MYH6: variants seen among roughly 807,000 people sequenced by gnomAD.
MYH6 encodes myosin-6.
Under a neutral mutation model 223.2 loss-of-function variants are expected in MYH6, and 126 were observed. The ratio of observed to expected loss-of-function variants is 0.56; its 90% CI spans 0.49 to 0.65. The LOEUF (loss-of-function observed/expected upper bound fraction) is 0.65, where lower values mean the gene tolerates loss of function less well. Among genes scored for constraint, MYH6 ranks in the 30% least tolerant of loss-of-function variants. The probability of loss-of-function intolerance (pLI) is 0.00; values close to 1 mark genes in which losing one functional copy is unlikely to be tolerated. For synonymous variants in MYH6, 978 were observed against 1,010.2 expected (o/e 0.97, Z 0.61); for missense variants, 2,040 against 2,536.4 (o/e 0.80, Z 4.20).
chr14:23,388,722 T>C (rs1891124256), intron 29 of MYH6, 137 bp downstream of exon 29: 1 of 1,335,618 alleles, frequency 7.5e-7, no homozygotes, highest in African/African-American at 1.4e-5. Context: ...CAGGCTTTCT[T>C]CCAAGCACTT....
chr14:23,392,638 A>C lies in MYH6; in HGVS notation c.3266T>G (p.Ile1089Ser). 1 of 1,171,116 alleles carries C rather than the reference A, an allele frequency of 8.5e-7. No homozygotes were observed. Among genetic ancestry groups the C allele is most frequent in the Non-Finnish European group, 1.2e-6 (1 of 811,712 alleles). 72.5% of individuals were successfully genotyped at this position (1,171,116 alleles called of 1,614,324 possible). A position where few individuals can be genotyped will look rare whatever the true frequency, so the allele number is the denominator to read the frequency against. Reference sequence around the variant, plus strand: ...CTCAATCTTACTGTTCTGCTGATTAATGTCAAACTCCTTCCTGCAGGAGAA... The same window carrying C: ...CTCAATCTTACTGTTCTGCTGATTACTGTCAAACTCCTTCCTGCAGGAGAA... The part of the protein sequence containing the change: ...EEKLKKKEFD[I>S]NQQNSKIEDE... The change falls in exon 25 of 39, where the codon ATT (isoleucine) becomes AGT (serine). Residue 1089 changes from isoleucine (I) to serine (S), a missense_variant. Coordinates refer to ENST00000405093, the MANE Select transcript of MYH6 (RefSeq NM_002471.4).
Position 23,405,534 on chromosome 14 carries a change from G to C in MYH6, c.345+93C>G. On this transcript the variant is annotated intron_variant, in intron 4 of 38. Transcript: ENST00000405093. This position sits in a 1 kb window ranked among gnomAD's most constrained non-coding sequence, Gnocchi z 4.7. ...GGGGAAGGGGACTTGGGTCCCTTGG[G>C]AGTCTCTCCCCCTCTTCTTGGGAGA... 1 of 1,601,408 alleles carries C rather than the reference G, an allele frequency of 6.2e-7. No homozygotes were observed. Among genetic ancestry groups the C allele is most frequent in the African/African-American group, 1.3e-5 (1 of 74,700 alleles).
Position 23,398,710 on chromosome 14 carries a change from C to A in MYH6, c.1891+18G>T. The A allele has an allele frequency of 6.2e-7, 1 of 1,613,908 alleles. No individual in the cohort carries two copies. Among genetic ancestry groups the A allele is most frequent in the Non-Finnish European group, 8.5e-7 (1 of 1,179,808 alleles). On this transcript the variant is annotated intron_variant, in intron 15 of 38. Transcript: ENST00000405093. Reference sequence around the variant, plus strand: ...TCTTCAGAAGTCCCCTGGCCCAGTGCAGGGGCTGCCTGCTTACCAGTATCG... The same window carrying A: ...TCTTCAGAAGTCCCCTGGCCCAGTGAAGGGGCTGCCTGCTTACCAGTATCG...
chr14:23,398,933 G>T lies in MYH6; in HGVS notation c.1686C>A (p.Asn562Lys). ...TGATGTTGCGTGGCTTCTGGAAATT[G>T]TTGGACTTGCCCAGGTGGTTGTCGT... Reference protein sequence around the residue: ...KLYDNHLGKSNNFQKPRNIKG... With the variant: ...KLYDNHLGKSKNFQKPRNIKG... The change falls in exon 15 of 39, where the codon AAC becomes AAA. Residue 562 changes from asparagine to lysine, a missense_variant. By Grantham distance (94) the Asn-to-Lys change is moderately conservative. Transcript: ENST00000405093. The T allele has an allele frequency of 6.2e-7, 1 of 1,614,162 alleles. No homozygotes were observed. Among genetic ancestry groups the T allele is most frequent in the South Asian group, 1.1e-5 (1 of 91,088 alleles).
In MYH6 at chr14:23,404,362, C is replaced by T; in HGVS notation, c.669G>A (p.Gln223=). 6.2e-7 allele frequency: 1 copy of T among 1,614,252 alleles called. No individual in the cohort carries two copies. The highest frequency in any genetic ancestry group is 8.5e-7 in the Non-Finnish European group (1 of 1,180,032). The change falls in exon 8 of 39, where the codon CAG becomes CAA. Residue 223 remains glutamine, a synonymous_variant. Coordinates refer to ENST00000405093, the MANE Select transcript of MYH6 (RefSeq NM_002471.4). Reference sequence around the variant, plus strand: ...CGAAGGCCTCCAGAGCGGGGTTGGCCTGGATGATCTGGTCCTCCAGGGTGC... The same window carrying T: ...CGAAGGCCTCCAGAGCGGGGTTGGCTTGGATGATCTGGTCCTCCAGGGTGC... ...NKGTLEDQII[Q]ANPALEAFGN...
At position 23,387,834 on chromosome 14, in the gene MYH6, G is replaced by T; in HGVS notation, c.4449C>A (p.Leu1483=). Residue 1483 remains leucine, a synonymous_variant, in exon 31 of 39, where the codon CTC becomes CTA. Coordinates refer to ENST00000405093, the MANE Select transcript of MYH6 (RefSeq NM_002471.4). ...QKEARSLSTE[L]FKLKNAYEES... Reference sequence around the variant, plus strand: ...CCTCGTAGGCGTTCTTGAGCTTGAAGAGCTCTGTGCTGAGGGAGCGAGCCT... The same window carrying T: ...CCTCGTAGGCGTTCTTGAGCTTGAATAGCTCTGTGCTGAGGGAGCGAGCCT... 1 of 1,614,106 alleles carries T rather than the reference G, an allele frequency of 6.2e-7. No homozygotes were observed. The highest frequency in any genetic ancestry group is 2.2e-5 in the East Asian group (1 of 44,856).
intron 36 of MYH6, among the ~76,000 whole-genome samples, 184 bp downstream of exon 36, chr14:23,384,258 G>T (rs1167707727): frequency 6.6e-6 from 1 of 151,838 alleles, no homozygotes; most frequent in Non-Finnish European, 1.5e-5. Context: ...GGAAGTAGAA[G>T]TAGATTCTTC....
At chr14:23,394,675 G>A (rs1313948807) in intron 20 of MYH6, among the ~76,000 whole-genome samples, 1 of 152,070 alleles carries the variant, frequency 6.6e-6, no homozygotes, top group Non-Finnish European at 1.5e-5. Context: ...CAGCATGAAA[G>A]CAAAATGACT....
In MYH6 at chr14:23,400,963, C is replaced by A; in HGVS notation, c.1156G>T (p.Ala386Ser). ...GCTGAGTTCAGCCCCATGAGGTAGG[C>A]CGACTTGTCAGCATCTGGTTGAGAG... Reference protein sequence around the residue: ...PDGTEDADKSAYLMGLNSADL... With the variant: ...PDGTEDADKSSYLMGLNSADL... Residue 386 changes from alanine to serine, a missense_variant, in exon 13 of 39, where the codon GCC becomes TCC. Physicochemically the swap from Ala to Ser is moderately conservative, Grantham distance 99. This residue lies in a region of MYH6 where 649 missense variants were observed against 877.3 expected (regional missense o/e 0.74). Transcript: ENST00000405093. 1 of 1,614,138 alleles carries A rather than the reference C, an allele frequency of 6.2e-7. No homozygotes were observed. The highest frequency in any genetic ancestry group is 8.5e-7 in the Non-Finnish European group (1 of 1,180,020).
intron 15 of MYH6, among the ~76,000 whole-genome samples, chr14:23,397,986 T>TTCC (rs1891476303): frequency 7.0e-6 from 1 of 142,916 alleles, no homozygotes; most frequent in African/African-American, 2.7e-5. Flanking sequence ...CTTCTTCTTC[T>TTCC]TCTTCTTCTT....
rs555501312 is a variant in MYH6 at position 23,405,932 on chromosome 14, C to G, written c.202-162G>C. Among the ~76,000 whole-genome samples, 1 of 152,216 alleles carries G rather than the reference C, an allele frequency of 6.6e-6. No individual in the cohort carries two copies. The highest frequency in any genetic ancestry group is 2.4e-5 in the African/African-American group (1 of 41,540). On this transcript the variant is annotated intron_variant, in intron 3 of 38. Transcript: ENST00000405093. This position sits in a 1 kb window ranked among gnomAD's most constrained non-coding sequence, Gnocchi z 4.7. ...ACCCCGATGTCCCCTGGGACACTTT[C>G]CCCAGGTAATTTCCCTTCCCATTGT...
Position 23,386,546 on chromosome 14 carries a change from C to G in MYH6, c.4728G>C (p.Arg1576=), listed in dbSNP as rs912229955. 1 of 1,613,990 alleles carries G rather than the reference C, an allele frequency of 6.2e-7. No individual in the cohort carries two copies. Among genetic ancestry groups the G allele is most frequent in the Non-Finnish European group, 8.5e-7 (1 of 1,180,006 alleles). The part of the protein sequence containing the change: ...EFNQIKAEIE[R]KLAEKDEEME... Reference sequence around the variant, plus strand: ...TCTCCTCGTCCTTCTCTGCCAGCTTCCGCTCGATCTCTGCCTTGATCTGGT... The same window carrying G: ...TCTCCTCGTCCTTCTCTGCCAGCTTGCGCTCGATCTCTGCCTTGATCTGGT... Residue 1576 remains arginine, a synonymous_variant, in exon 33 of 39, where the codon CGG becomes CGC. Transcript: ENST00000405093.
chr14:23,403,782 G>C lies in MYH6; in HGVS notation c.736-4C>G. On this transcript the variant is annotated splice_region_variant and splice_polypyrimidine_tract_variant and intron_variant, in intron 8 of 38. Transcript: ENST00000405093. ...AGTGGATCCTAATGAATTTCCCCTGGGGACGAATGGGACAGAGTGAGGGAA... is the reference window on the plus strand; with the variant it reads ...AGTGGATCCTAATGAATTTCCCCTGCGGACGAATGGGACAGAGTGAGGGAA... 6.2e-7 allele frequency: 1 copy of C among 1,608,336 alleles called. No individual in the cohort carries two copies. The highest frequency in any genetic ancestry group is 8.5e-7 in the Non-Finnish European group (1 of 1,176,990).
rs535694008 is a variant in MYH6, at chr14:23,405,217, G to T, written c.502+6C>A. On this transcript the variant is annotated splice_donor_region_variant and intron_variant, in intron 5 of 38. Transcript: ENST00000405093. The surrounding 1 kb of genome is among the most constrained non-coding windows in gnomAD (Gnocchi z 4.7). The stretch of plus-strand genomic sequence containing the variant: ...AGGAGCAGAGACCAGGGGCCACCAG[G>T]CTCACCTGTCAGCATGTACTGATAG... The T allele has an allele frequency of 6.2e-7, 1 of 1,614,040 alleles. No homozygotes were observed. Among genetic ancestry groups the T allele is most frequent in the African/African-American group, 1.3e-5 (1 of 75,028 alleles).
At position 23,400,401 on chromosome 14, in the gene MYH6, A is replaced by T; in HGVS notation, c.1436T>A (p.Ile479Asn). ...CTGCAGCTTCTCGTTGGTGAAGTTG[A>T]TGCAGAGCTGCTCAAAGCTGTTGAA... ...FDFNSFEQLCINFTNEKLQQF... is the reference protein window; with the variant it reads ...FDFNSFEQLCNNFTNEKLQQF... Residue 479 changes from isoleucine to asparagine, a missense_variant, in exon 14 of 39, where the codon ATC (isoleucine) becomes AAC (asparagine). This residue lies in a region of MYH6 where 649 missense variants were observed against 877.3 expected (regional missense o/e 0.74). Coordinates refer to ENST00000405093, the MANE Select transcript of MYH6 (RefSeq NM_002471.4). 6.2e-7 allele frequency: 1 copy of T among 1,614,176 alleles called. No individual in the cohort carries two copies. The highest frequency in any genetic ancestry group is 8.5e-7 in the Non-Finnish European group (1 of 1,180,030).
In MYH6 at chr14:23,397,954, TC is replaced by T. The variant is rs1566512463; in HGVS notation, c.1892-342del. The stretch of plus-strand genomic sequence containing the variant: ...CTCCTCTTCTTCTTCTTCTTCTTCT[TC>T]TTCTTCTTCTTCTTCTTCTTCTTCT... On this transcript the variant is annotated intron_variant, in intron 15 of 38. Coordinates refer to ENST00000405093, the MANE Select transcript of MYH6 (RefSeq NM_002471.4). Among the ~76,000 whole-genome samples, 121 of 100,164 alleles carry T rather than the reference TC, an allele frequency of 1.2e-3. 2 individuals are homozygous for T. Among genetic ancestry groups the T allele is most frequent in the Middle Eastern group, 8.6e-3 (2 of 232 alleles). The allele number at this position is 100,164 out of a possible 152,430, so 65.7% of individuals were successfully genotyped here.
intron 3 of MYH6, among the ~76,000 whole-genome samples, chr14:23,406,134 G>T (rs905620782): frequency 6.6e-6 from 1 of 152,124 alleles, no homozygotes; most frequent in African/African-American, 2.4e-5. Flanking sequence ...TGACCCCGAG[G>T]CTGTCTCCCG....
chr14:23,382,196 G>A, intron 38 of MYH6, 133 bp from the exon 39 acceptor site: 2 of 1,140,366 alleles, frequency 1.8e-6, no homozygotes, highest in Non-Finnish European at 2.7e-6. Context: ...GGATCCTGTG[G>A]TCCCACGTTA....
At chr14:23,404,935 G>T (rs1280154761) in intron 6 of MYH6, 113 bp from the exon 7 acceptor site, 4 of 1,480,824 alleles carry the variant, frequency 2.7e-6, no homozygotes, top group Non-Finnish European at 3.8e-6. Flanking sequence ...CACCCAGCAG[G>T]ATTTGCCTGA....
Sources: allele counts gnomAD v4.1 joint callset (sites outside exome capture counted in the v4.1 genomes callset), GRCh38; gene constraint gnomAD v4.1.1; regional missense constraint gnomAD v4.1.1; non-coding constraint Gnocchi (gnomAD v3.1); transcripts MANE v1.5; gene names NCBI Gene and HGNC (gene_info 2026-07-23, HGNC 2026-07-21).